IGFBP2: variants seen among roughly 807,000 people sequenced by gnomAD.
IGFBP2 encodes the protein insulin like growth factor binding protein 2.
IGFBP2 carries 12 observed loss-of-function variants against 26.2 expected under a neutral mutation model. The observed-to-expected ratio is 0.46, with a 90% CI of 0.29 to 0.74. The LOEUF is 0.74. Ranked by LOEUF, IGFBP2 falls within the 30% of genes least tolerant of loss-of-function variation. The probability of loss-of-function intolerance (pLI) is 0.09; values close to 1 mark genes in which losing one functional copy is unlikely to be tolerated. For synonymous variants in IGFBP2, 189 were observed against 200.6 expected (o/e 0.94, Z 0.49); for missense variants, 328 against 441.2 (o/e 0.74, Z 2.30).
Position 216,664,127 on chromosome 2 carries a change from C to T in IGFBP2, c.*23C>T, listed in dbSNP as rs756510704. On this transcript the variant is annotated 3_prime_UTR_variant, in exon 4 of 4. Transcript: ENST00000233809. This position sits in a 1 kb window ranked among gnomAD's most constrained non-coding sequence, Gnocchi z 4.6. Reference sequence around the variant, plus strand: ...TAGACCGCAGCCAGCCGGTGCCTGGCGCCCCTGCCCCCCGCCCCTCTCCAA... The same window carrying T: ...TAGACCGCAGCCAGCCGGTGCCTGGTGCCCCTGCCCCCCGCCCCTCTCCAA... The T allele has an allele frequency of 2.2e-5, 34 of 1,540,668 alleles. No individual in the cohort carries two copies. In the East Asian group the frequency reaches 4.2e-4, roughly 19 times the overall value.
chr2:216,653,466 C>T (rs762318565), intron 1 of IGFBP2, among the ~76,000 whole-genome samples: 1 of 152,232 alleles, frequency 6.6e-6, no homozygotes, highest in Non-Finnish European at 1.5e-5. Context: ...CAGCTTCCAG[C>T]TGCTCTCCTT....
chr2:216,640,506 G>A lies in IGFBP2; in HGVS notation c.442+6541G>A, dbSNP rs546097692. On this transcript the variant is annotated intron_variant, in intron 1 of 3. Transcript: ENST00000233809. ...CTGAGATGGCAGGCAGCCGCCAGGAGATTGGTGGTGCTCGCATCTGTCCTC... is the reference window on the plus strand; with the variant it reads ...CTGAGATGGCAGGCAGCCGCCAGGAAATTGGTGGTGCTCGCATCTGTCCTC... Among the ~76,000 whole-genome samples, 3 of 152,216 alleles carry A rather than the reference G, an allele frequency of 2.0e-5. No individual in the cohort carries two copies. In the South Asian group the frequency reaches 6.2e-4, roughly 32 times the overall value.
At chr2:216,644,614 T>C (rs1286565815) in intron 1 of IGFBP2, among the ~76,000 whole-genome samples, 2 of 152,170 alleles carry the variant, frequency 1.3e-5, no homozygotes, top group Non-Finnish European at 2.9e-5. Flanking sequence ...GAGTCAGTCA[T>C]TGGCACTAAG....
intron 1 of IGFBP2, chr2:216,659,660 A>T: frequency 7.1e-7 from 1 of 1,407,878 alleles, no homozygotes; most frequent in Non-Finnish European, 9.7e-7. Flanking sequence ...TCCTTCACCT[A>T]GGCTGTGCAT....
Position 216,633,708 on chromosome 2 carries a change from C to A in IGFBP2, c.185C>A (p.Ala62Asp), listed in dbSNP as rs1194455242. The change falls in exon 1 of 4, where the codon GCC becomes GAC. Residue 62 changes from alanine (A) to aspartate (D), a missense_variant. Ala to Asp is a moderately radical substitution (Grantham distance 126, BLOSUM62 -2). Coordinates refer to ENST00000233809, the MANE Select transcript of IGFBP2 (RefSeq NM_000597.3). ...ACGPPPVAPP[A>D]AVAAVAGGAR... is the part of the protein sequence containing the mutation. Reference sequence around the variant, plus strand: ...GGGCCCCCGCCGGTTGCGCCGCCCGCCGCGGTGGCCGCAGTGGCCGGAGGC... The same window carrying A: ...GGGCCCCCGCCGGTTGCGCCGCCCGACGCGGTGGCCGCAGTGGCCGGAGGC... The A allele has an allele frequency of 4.3e-5, 52 of 1,196,180 alleles. No individual in the cohort carries two copies. The highest frequency in any genetic ancestry group is 5.3e-5 in the Non-Finnish European group (51 of 966,530). The allele number at this position is 1,196,180 out of a possible 1,614,324, so 74.1% of individuals were successfully genotyped here.
chr2:216,659,238 T>C (rs1697982934), intron 1 of IGFBP2, among the ~76,000 whole-genome samples: 1 of 152,346 alleles, frequency 6.6e-6, no homozygotes, highest in East Asian at 1.9e-4. Flanking sequence ...GTGCTGTCCC[T>C]GGCATGGAAG....
intron 1 of IGFBP2, among the ~76,000 whole-genome samples, chr2:216,640,956 G>C (rs184435754): frequency 2.0e-3 from 311 of 152,306 alleles, no homozygotes; most frequent in African/African-American, 7.1e-3. Context: ...GGCCTCTTGA[G>C]AGAAGAGCTG....
At chr2:216,654,181 A>G (rs1489830476) in intron 1 of IGFBP2, among the ~76,000 whole-genome samples, 1 of 152,144 alleles carries the variant, frequency 6.6e-6, no homozygotes, top group Non-Finnish European at 1.5e-5. Context: ...TGCAGCCTAT[A>G]AGAGGATATA....
At chr2:216,661,117 C>G in intron 2 of IGFBP2, 1 of 341,210 alleles carries the variant, frequency 2.9e-6, no homozygotes, top group Non-Finnish European at 5.5e-6. Flanking sequence ...TTTTTCCTCC[C>G]CCTGAGATGG....
At chr2:216,661,824 C>G (rs745762064) in intron 2 of IGFBP2, 34 bp from the exon 3 acceptor site, 4 of 1,613,378 alleles carry the variant, frequency 2.5e-6, no homozygotes, top group Non-Finnish European at 3.4e-6. Flanking sequence ...CTGCTGTCCT[C>G]ACTCCGGGCG....
At chr2:216,657,631 G>A (rs530256189) in intron 1 of IGFBP2, among the ~76,000 whole-genome samples, 1 of 152,010 alleles carries the variant, frequency 6.6e-6, no homozygotes, top group African/African-American at 2.4e-5. Flanking sequence ...TCCATGTGGA[G>A]GAGCACAGAG....
chr2:216,655,700 G>A (rs146518990), intron 1 of IGFBP2, among the ~76,000 whole-genome samples: 13 of 152,222 alleles, frequency 8.5e-5, no homozygotes, highest in African/African-American at 3.1e-4. Context: ...TTCAAGACCA[G>A]CCTGGCCAAC....
chr2:216,633,567 C>CGCCGCTGCT lies in IGFBP2; in HGVS notation c.56_64dup (p.Pro19_Leu21dup), dbSNP rs11282764. On this transcript the variant is annotated inframe_insertion, in exon 1 of 4. Transcript: ENST00000233809. ...TGCCCCGCGCTGCCGCTGCCGCCGCCGCCGCTGCTGCCGCTGCTGCTGCTG... is the reference window on the plus strand; with the variant it reads ...TGCCCCGCGCTGCCGCTGCCGCCGCCGCCGCTGCTGCCGCTGCTGCCGCTGCTGCTGCTG... 902,551 of 969,758 alleles carry CGCCGCTGCT rather than the reference C, an allele frequency of 0.93. 418,138 individuals are homozygous for CGCCGCTGCT. Among genetic ancestry groups the CGCCGCTGCT allele is most frequent in the South Asian group, 0.98 (22,680 of 23,260 alleles). The allele number at this position is 969,758 out of a possible 1,614,324, so 60.1% of individuals were successfully genotyped here.
Position 216,641,031 on chromosome 2 carries a change from A to G in IGFBP2, c.442+7066A>G, listed in dbSNP as rs189583424. ...TGTCATATTGACCGGGGTTGGTTCC[A>G]TTGCAACCCTGTCTCTTAATACTTC... On this transcript the variant is annotated intron_variant, in intron 1 of 3. Coordinates refer to ENST00000233809, the MANE Select transcript of IGFBP2 (RefSeq NM_000597.3). Among the ~76,000 whole-genome samples the G allele has an allele frequency of 1.2e-4, 18 of 152,286 alleles. No homozygotes were observed. In the East Asian group the frequency reaches 2.9e-3, roughly 24 times the overall value.
rs9341161 is a variant in IGFBP2 at position 216,650,731 on chromosome 2, G to A, written c.443-9826G>A. On this transcript the variant is annotated intron_variant, in intron 1 of 3. Coordinates refer to ENST00000233809, the MANE Select transcript of IGFBP2 (RefSeq NM_000597.3). ...TGATCTTATAACCTAGGGGACTTGT[G>A]GATCTGAAACATCTGAGAAGGCTGT... is the stretch of plus-strand genomic sequence containing the variant. Among the ~76,000 whole-genome samples the A allele has an allele frequency of 1.6e-4, 25 of 152,288 alleles. No homozygotes were observed. The East Asian group carries it at 4.8e-3, about 29-fold the overall frequency.
At chr2:216,654,292 A>G (rs1344340248) in intron 1 of IGFBP2, among the ~76,000 whole-genome samples, 1 of 152,206 alleles carries the variant, frequency 6.6e-6, no homozygotes, top group East Asian at 1.9e-4. Flanking sequence ...GAAGTGGCTA[A>G]GAGCTAACCC....
rs151219060 is a variant in IGFBP2 at position 216,651,197 on chromosome 2, C to T, written c.443-9360C>T. Among the ~76,000 whole-genome samples the T allele has an allele frequency of 1.0e-3, 153 of 152,262 alleles. 1 individual carries two copies. The highest frequency in any genetic ancestry group is 3.1e-3 in the African/African-American group (127 of 41,554). The stretch of plus-strand genomic sequence containing the variant: ...AGCTAAAGAAGTAACAAATAGAACC[C>T]CCATTTTACCTTCCTCTTTCCTAAC... On this transcript the variant is annotated intron_variant, in intron 1 of 3. Coordinates refer to ENST00000233809, the MANE Select transcript of IGFBP2 (RefSeq NM_000597.3).
chr2:216,635,149 G>GT (rs929945777), intron 1 of IGFBP2, among the ~76,000 whole-genome samples: 7 of 151,992 alleles, frequency 4.6e-5, no homozygotes, highest in African/African-American at 1.2e-4. Flanking sequence ...GTCGGCTATT[G>GT]TTTTTTTCCC....
intron 1 of IGFBP2, among the ~76,000 whole-genome samples, chr2:216,634,367 G>A (rs952330010): frequency 5.3e-5 from 8 of 152,218 alleles, no homozygotes; most frequent in Admixed American, 3.9e-4. Context: ...GATCGCTGCT[G>A]GGAGGCGGAG....
Sources: gnomAD v4.1 joint callset for allele counts (sites outside exome capture counted in the v4.1 genomes callset) on GRCh38, gnomAD v4.1.1 for gene constraint, Gnocchi (gnomAD v3.1) non-coding constraint, MANE v1.5 for transcripts, NCBI Gene and HGNC (gene_info 2026-07-23, HGNC 2026-07-21) for gene names.